The following LAMA3 variants were observed in gnomAD, a reference collection of about 807,000 sequenced individuals.
The protein encoded by LAMA3 is laminin subunit alpha 3.
A neutral mutation model predicts 402.0 loss-of-function variants in LAMA3; 281 were observed. The observed-to-expected ratio is 0.70, with a 90% CI of 0.63 to 0.77. LAMA3 has a LOEUF of 0.77. Ranked by LOEUF, LAMA3 falls within the 30% of genes least tolerant of loss-of-function variation. The pLI is 0.00. For synonymous variants in LAMA3, 1,431 were observed against 1,558.4 expected (o/e 0.92, Z 1.93); for missense variants, 3,840 against 4,215.5 (o/e 0.91, Z 2.47).
rs140491516 is a variant in LAMA3 at position 23,834,287 on chromosome 18, C to T, written c.2984+299C>T. On this transcript the variant is annotated intron_variant, in intron 24 of 74. Coordinates refer to ENST00000313654, the MANE Select transcript of LAMA3 (RefSeq NM_198129.4). The stretch of plus-strand genomic sequence containing the variant: ...TATTTGATTCTCTATCACTCAGGTG[C>T]GATGCAATGAACTCACTGCTCTCAC... 1.0e-5 allele frequency: 4 copies of T among 383,850 alleles called. No homozygotes were observed. In the East Asian group the frequency reaches 1.9e-4, roughly 18 times the overall value. The allele number at this position is 383,850 out of a possible 1,614,324, so 23.8% of individuals were successfully genotyped here.
intron 1 of LAMA3, among the ~76,000 whole-genome samples, chr18:23,698,202 C>CTTTTTTTTTTT (rs755879182): frequency 1.4e-4 from 15 of 108,848 alleles, no homozygotes; most frequent in Non-Finnish European, 2.0e-4. Context: ...TCTTCTTCTT[C>CTTTTTTTTTTT]TTTTTTTTTT....
chr18:23,732,533 C>T (rs2061410599), intron 2 of LAMA3, among the ~76,000 whole-genome samples: 1 of 152,128 alleles, frequency 6.6e-6, no homozygotes, highest in African/African-American at 2.4e-5. Flanking sequence ...GTCTGTGCAG[C>T]AATCCCTCGC....
chr18:23,944,578 G>T (rs1163482359), intron 69 of LAMA3, among the ~76,000 whole-genome samples: 1 of 152,188 alleles, frequency 6.6e-6, no homozygotes, highest in Non-Finnish European at 1.5e-5. Flanking sequence ...AAATGACAGA[G>T]CAGGGAGACT....
rs1327888468 is a variant in LAMA3 at position 23,749,335 on chromosome 18, G to T, written c.566-93G>T. 9 of 709,782 alleles carry T rather than the reference G, an allele frequency of 1.3e-5. No homozygotes were observed. The highest frequency in any genetic ancestry group is 7.8e-5 in the Admixed American group (3 of 38,624). The allele number at this position is 709,782 out of a possible 1,614,324, so 44.0% of individuals were successfully genotyped here. On this transcript the variant is annotated intron_variant, in intron 3 of 74. Transcript: ENST00000313654. ...ATGCCTTTCTGTTTTTTCTTTCTTT[G>T]TGTATTTTCTTAAGGAAACATAAGG...
chr18:23,831,177 A>G (rs1242958709), intron 23 of LAMA3, among the ~76,000 whole-genome samples: 1 of 152,112 alleles, frequency 6.6e-6, no homozygotes, highest in African/African-American at 2.4e-5. Context: ...TGCTCTGCCC[A>G]TTGCACCTCT....
Position 23,847,628 on chromosome 18 carries a change from G to A in LAMA3, c.4096G>A (p.Ala1366Thr), listed in dbSNP as rs773288115. ...CNCSRRGTIEAAMPECDRDSG... is the reference protein window; with the variant it reads ...CNCSRRGTIETAMPECDRDSG... ...CTGTTCCAGGAGGGGCACCATCGAG[G>A]CTGCCATGCCGGAGTGTGACCGGGA... The change falls in exon 32 of 75, where the codon GCT becomes ACT. Residue 1366 changes from alanine to threonine, a missense_variant. Physicochemically the swap from Ala to Thr is moderately conservative, Grantham distance 58. Coordinates refer to ENST00000313654, the MANE Select transcript of LAMA3 (RefSeq NM_198129.4). The A allele has an allele frequency of 1.2e-6, 2 of 1,613,888 alleles. No homozygotes were observed. Among genetic ancestry groups the A allele is most frequent in the African/African-American group, 1.3e-5 (1 of 74,960 alleles).
chr18:23,946,153 G>T lies in LAMA3; in HGVS notation c.9220G>T (p.Gly3074Cys), dbSNP rs1361571796. Reference sequence around the variant, plus strand: ...CTTTCTTACTCTGAAGGTGGTGTTTGGCCATGATGGGGAAAAGGGGCGCTT... The same window carrying T: ...CTTTCTTACTCTGAAGGTGGTGTTTTGCCATGATGGGGAAAAGGGGCGCTT... ...NDGKWHTVVF[G>C]HDGEKGRLVV... The change falls in exon 70 of 75, where the codon GGC becomes TGC. Residue 3074 changes from glycine (G) to cysteine (C), a missense_variant. Physicochemically the swap from Gly to Cys is radical, Grantham distance 159. Transcript: ENST00000313654. The T allele has an allele frequency of 4.3e-6, 7 of 1,613,754 alleles. No individual in the cohort carries two copies. In the Admixed American group the frequency reaches 5.0e-5, roughly 12 times the overall value.
chr18:23,916,049 A>AAAAAAAAAAAG (rs2081609692), intron 59 of LAMA3, among the ~76,000 whole-genome samples: 1 of 18,974 alleles, frequency 5.3e-5, no homozygotes, highest in African/African-American at 1.1e-4. Flanking sequence ...AAAGAAAAAG[A>AAAAAAAAAAAG]AAAAGAAAAG....
chr18:23,822,133 GTGTA>G (rs2063297170), intron 19 of LAMA3, 115 bp from the exon 20 acceptor site: 1 of 1,036,880 alleles, frequency 9.6e-7, no homozygotes, highest in African/African-American at 1.6e-5. Context: ...GTGTATGTGT[GTGTA>G]TGTGTGTACA....
chr18:23,747,874 A>T (rs1402911056), intron 2 of LAMA3, 69 bp from the exon 3 acceptor site: 1 of 918,144 alleles, frequency 1.1e-6, no homozygotes, highest in Non-Finnish European at 1.8e-6. Flanking sequence ...AATCAGCATC[A>T]CATAGAGATG....
intron 66 of LAMA3, 97 bp from the exon 67 acceptor site, chr18:23,933,685 C>CAA (rs2082230253): frequency 7.3e-7 from 1 of 1,376,998 alleles, no homozygotes; most frequent in South Asian, 1.2e-5. Flanking sequence ...TCTTCATCCC[C>CAA]AAAACATGTA....
At position 23,846,427 on chromosome 18, in the gene LAMA3, C is replaced by T. The variant is rs772855553; in HGVS notation, c.3850C>T (p.Gln1284Ter). ...TGPHCSPEGG[Q>*]CPCQPNVIGR... ...CCCTCACTGCAGCCCTGAGGGTGGG[C>T]AGTGCCCATGCCAGCCCAACGTCAT... Residue 1284 changes from glutamine to a stop codon, truncating the protein, a stop_gained, in exon 31 of 75, where the codon CAG becomes TAG. Transcript: ENST00000313654. LOFTEE classifies it high-confidence loss of function. 5.6e-6 allele frequency: 9 copies of T among 1,613,842 alleles called. No homozygotes were observed. The South Asian group carries it at 9.9e-5, about 18-fold the overall frequency.
rs1354778717 is a variant in LAMA3, at chr18:23,770,686, G to A, written c.1183-2811G>A. 3.3e-5 allele frequency among the ~76,000 whole-genome samples: 5 copies of A among 152,234 alleles called. No individual in the cohort carries two copies. The East Asian group carries it at 7.7e-4, about 24-fold the overall frequency. ...TGAGGCAGGAGAATGGCGTGAACCC[G>A]GGAGGCAGAGGTTGCAGTGAGTCGA... On this transcript the variant is annotated intron_variant, in intron 8 of 74. Coordinates refer to ENST00000313654, the MANE Select transcript of LAMA3 (RefSeq NM_198129.4).
At chr18:23,876,962 A>G (rs756235666) in intron 39 of LAMA3, among the ~76,000 whole-genome samples, 12 of 152,234 alleles carry the variant, frequency 7.9e-5, no homozygotes, top group Non-Finnish European at 1.5e-4. Flanking sequence ...CAGAGGTTGC[A>G]CTGAGCCGAG....
At chr18:23,767,004 T>A (rs1161247843) in intron 8 of LAMA3, among the ~76,000 whole-genome samples, 1 of 152,160 alleles carries the variant, frequency 6.6e-6, no homozygotes, top group Non-Finnish European at 1.5e-5. Flanking sequence ...CTGGAACTGA[T>A]AAACAACTTC....
chr18:23,886,989 TG>T (rs1473416687), intron 41 of LAMA3, among the ~76,000 whole-genome samples: 2 of 152,360 alleles, frequency 1.3e-5, no homozygotes, highest in Admixed American at 6.5e-5. Flanking sequence ...CCCAATTCTA[TG>T]GCAAAAGATG....
chr18:23,712,553 G>A (rs944348946), intron 1 of LAMA3, among the ~76,000 whole-genome samples: 1 of 150,860 alleles, frequency 6.6e-6, no homozygotes, highest in Non-Finnish European at 1.5e-5. Context: ...GGAAACATAT[G>A]GCCTCCGACC....
At chr18:23,835,837 C>T (rs1454299720) in intron 24 of LAMA3, among the ~76,000 whole-genome samples, 1 of 151,960 alleles carries the variant, frequency 6.6e-6, no homozygotes, top group Non-Finnish European at 1.5e-5. Context: ...CCCAGCATTT[C>T]TCAAGTGAGT....
intron 1 of LAMA3, among the ~76,000 whole-genome samples, 187 bp downstream of exon 1, chr18:23,690,164 G>A (rs1323993894): frequency 6.6e-6 from 1 of 152,208 alleles, no homozygotes; most frequent in Non-Finnish European, 1.5e-5. Flanking sequence ...CACCGCACCG[G>A]CACCACCGGC....
Sources: allele counts gnomAD v4.1 joint callset (sites outside exome capture counted in the v4.1 genomes callset), GRCh38; gene constraint gnomAD v4.1.1; transcripts MANE v1.5; gene names NCBI Gene and HGNC (gene_info 2026-07-23, HGNC 2026-07-21).